Variants in ENTREP1 observed in about 807,000 individuals in gnomAD.
The protein encoded by ENTREP1 is Friedreich ataxia region gene X123.
chr9:69,382,680 T>G, the ENTREP1 span: 1 of 152,158 alleles, frequency 6.6e-6, no homozygotes, highest in Non-Finnish European at 1.5e-5. Context: ...CTTTTCAAAT[T>G]TTTTCTTCCA....
At chr9:69,343,891 C>A in the ENTREP1 span, among the ~76,000 whole-genome samples, 4 of 152,148 alleles carry the variant, frequency 2.6e-5, no homozygotes, top group African/African-American at 9.7e-5. Flanking sequence ...AATATGAATT[C>A]TTTACTATTC....
the ENTREP1 span, among the ~76,000 whole-genome samples, chr9:69,350,361 G>T: frequency 6.6e-6 from 1 of 152,032 alleles, no homozygotes; most frequent in Non-Finnish European, 1.5e-5. Flanking sequence ...ATCTTGATAC[G>T]TTTGTTGAAA....
chr9:69,328,958 G>A, the ENTREP1 span, among the ~76,000 whole-genome samples: 1 of 151,046 alleles, frequency 6.6e-6, no homozygotes, highest in African/African-American at 2.4e-5. Context: ...TCATATACAA[G>A]GGATCATATA....
At chr9:69,367,908 T>TATATAC in the ENTREP1 span, among the ~76,000 whole-genome samples, 1 of 143,510 alleles carries the variant, frequency 7.0e-6, no homozygotes, top group Admixed American at 7.2e-5. Flanking sequence ...CATATATACA[T>TATATAC]ATACACACAC....
the ENTREP1 span, among the ~76,000 whole-genome samples, chr9:69,343,517 T>C: frequency 6.6e-6 from 1 of 152,154 alleles, no homozygotes; most frequent in East Asian, 1.9e-4. Context: ...CGCAGCTCAC[T>C]GCAGCCTTGA....
the ENTREP1 span, chr9:69,391,690 C>T: frequency 9.8e-5 from 158 of 1,613,998 alleles, no homozygotes; most frequent in Non-Finnish European, 1.2e-4. Context: ...AGAGCTGCGG[C>T]GACCTTCACA....
the ENTREP1 span, chr9:69,385,738 T>C: frequency 6.9e-7 from 1 of 1,454,110 alleles, no homozygotes; most frequent in African/African-American, 1.5e-5. Context: ...GGACTGCAGC[T>C]GGTGAGATAA....
At chr9:69,329,189 A>T in the ENTREP1 span, 1 of 194,958 alleles carries the variant, frequency 5.1e-6, no homozygotes, top group South Asian at 1.8e-4. Context: ...ACAGTAGAAG[A>T]ATATCCTCAT....
chr9:69,388,305 A>G, the ENTREP1 span: 11 of 1,614,214 alleles, frequency 6.8e-6, no homozygotes, highest in South Asian at 1.2e-4. Context: ...ATGGACACCA[A>G]GCTGCTGGTG....
the ENTREP1 span, among the ~76,000 whole-genome samples, chr9:69,360,832 C>A: frequency 6.6e-6 from 1 of 151,918 alleles, no homozygotes; most frequent in Non-Finnish European, 1.5e-5. Context: ...GGTGGAGCAT[C>A]CTGTAGTAGA....
At chr9:69,324,717 T>C in the ENTREP1 span, 1 of 984,436 alleles carries the variant, frequency 1.0e-6, no homozygotes, top group Non-Finnish European at 1.2e-6. Flanking sequence ...TCCCATCGAG[T>C]CGCCCCAAAG....
the ENTREP1 span, among the ~76,000 whole-genome samples, chr9:69,340,333 G>A: frequency 6.6e-6 from 1 of 152,018 alleles, no homozygotes; most frequent in African/African-American, 2.4e-5. Context: ...ATTTACATTT[G>A]GGCTTCCTCT....
chr9:69,351,688 T>C, the ENTREP1 span, among the ~76,000 whole-genome samples: 2 of 152,166 alleles, frequency 1.3e-5, no homozygotes, highest in African/African-American at 2.4e-5. Context: ...ATTGCTGGGA[T>C]TACAAACATG....
chr9:69,333,271 T>C, the ENTREP1 span, among the ~76,000 whole-genome samples: 1 of 151,996 alleles, frequency 6.6e-6, no homozygotes, highest in Admixed American at 6.6e-5. Context: ...TGCTATTTTA[T>C]GGGCTTTTAT....
At chr9:69,339,834 G>A in the ENTREP1 span, among the ~76,000 whole-genome samples, 2 of 152,194 alleles carry the variant, frequency 1.3e-5, no homozygotes, top group African/African-American at 4.8e-5. Context: ...CTTCCTGCCA[G>A]AGGCCTTTCC....
chr9:69,367,920 C>CAT, the ENTREP1 span, among the ~76,000 whole-genome samples: 2 of 131,682 alleles, frequency 1.5e-5, no homozygotes, highest in African/African-American at 5.7e-5. Flanking sequence ...TACACACACA[C>CAT]ATATATATAC....
chr9:69,362,379 T>C, the ENTREP1 span, among the ~76,000 whole-genome samples: 1 of 152,158 alleles, frequency 6.6e-6, no homozygotes, highest in South Asian at 2.1e-4. Flanking sequence ...CCAAACATTC[T>C]TTCATTGGGT....
chr9:69,379,406 T>C, the ENTREP1 span, among the ~76,000 whole-genome samples: 1 of 152,198 alleles, frequency 6.6e-6, no homozygotes, highest in African/African-American at 2.4e-5. Context: ...GGATGTCAGC[T>C]GGGTGACAGG....
chr9:69,375,019 T>C, the ENTREP1 span, among the ~76,000 whole-genome samples: 1 of 152,216 alleles, frequency 6.6e-6, no homozygotes, highest in Non-Finnish European at 1.5e-5. Context: ...TTGGTATTCG[T>C]GATCATTTGT....
Sources: gnomAD v4.1 joint callset for allele counts (sites outside exome capture counted in the v4.1 genomes callset) on GRCh38, gnomAD v4.1.1 for gene constraint, MANE v1.5 for transcripts, NCBI Gene and HGNC (gene_info 2026-07-23, HGNC 2026-07-21) for gene names.